Variants in ASTN1 observed in about 807,000 individuals in gnomAD.
ASTN1 encodes astrotactin-1.
A neutral mutation model predicts 140.7 loss-of-function variants in ASTN1; 41 were observed. The observed-to-expected ratio is 0.29, with a 90% CI of 0.23 to 0.38. The LOEUF (loss-of-function observed/expected upper bound fraction) is 0.38. ASTN1 is among the 10% of genes least tolerant of loss of function. The pLI is 1.00. For synonymous variants in ASTN1, 640 were observed against 652.2 expected, an observed-to-expected ratio of 0.98 and a Z score of 0.29; for missense variants, 1,479 against 1,678.8, an observed-to-expected ratio of 0.88 and a Z score of 2.08.
intron 1 of ASTN1, among the ~76,000 whole-genome samples, chr1:177,149,436 ATATATATAG>A (rs1386828560): frequency 7.6e-4 from 51 of 67,190 alleles, no homozygotes; most frequent in Middle Eastern, 0.017. Flanking sequence ...TATAGTAAAT[ATATATATAG>A]TATATATATA....
intron 2 of ASTN1, among the ~76,000 whole-genome samples, chr1:177,040,882 G>A (rs757757649): frequency 1.3e-5 from 2 of 152,038 alleles, no homozygotes. Flanking sequence ...AGTCAGCCTG[G>A]GCTATTTCAA....
intron 8 of ASTN1, among the ~76,000 whole-genome samples, chr1:176,985,218 C>T (rs374793653): frequency 7.9e-5 from 12 of 152,266 alleles, no homozygotes; most frequent in African/African-American, 2.9e-4. Context: ...AAAGTCTTTT[C>T]CTATGCCAAG....
chr1:176,897,040 G>C (rs1009354304), intron 16 of ASTN1, among the ~76,000 whole-genome samples: 2 of 152,136 alleles, frequency 1.3e-5, no homozygotes, highest in Non-Finnish European at 2.9e-5. Flanking sequence ...ACTTTGGGAG[G>C]CCAAGGCGGG....
chr1:176,997,152 G>C (rs893821071), intron 8 of ASTN1, among the ~76,000 whole-genome samples: 2 of 152,006 alleles, frequency 1.3e-5, no homozygotes, highest in African/African-American at 4.8e-5. Context: ...TTGCCACCTG[G>C]TATTACCAAG....
At chr1:177,082,404 T>C (rs978100606) in intron 1 of ASTN1, among the ~76,000 whole-genome samples, 5 of 152,196 alleles carry the variant, frequency 3.3e-5, no homozygotes, top group African/African-American at 1.2e-4. Context: ...GCTCTTTTAT[T>C]TGGCTCCAGT....
chr1:177,064,364 G>T (rs1409404262), intron 1 of ASTN1, among the ~76,000 whole-genome samples: 1 of 152,166 alleles, frequency 6.6e-6, no homozygotes, highest in Non-Finnish European at 1.5e-5. Context: ...TAATTTGGTG[G>T]TTTTTAATAT....
chr1:177,151,155 G>A (rs1384434249), intron 1 of ASTN1, among the ~76,000 whole-genome samples: 2 of 151,960 alleles, frequency 1.3e-5, no homozygotes, highest in African/African-American at 2.4e-5. Flanking sequence ...TCAAACAGGA[G>A]GTGTTTCCTG....
At chr1:176,944,187 C>A (rs768323546) in intron 13 of ASTN1, among the ~76,000 whole-genome samples, 169 bp from the exon 14 acceptor site, 1 of 152,068 alleles carries the variant, frequency 6.6e-6, no homozygotes, top group East Asian at 1.9e-4. Flanking sequence ...AAGCAATTCT[C>A]CTGCCTCAGC....
intron 1 of ASTN1, among the ~76,000 whole-genome samples, chr1:177,150,544 T>A (rs1682984400): frequency 6.6e-6 from 1 of 152,082 alleles, no homozygotes; most frequent in Admixed American, 6.5e-5. Context: ...AAAATAAAAG[T>A]GGCATTGAAA....
intron 1 of ASTN1, among the ~76,000 whole-genome samples, chr1:177,062,331 C>T (rs192151654): frequency 4.6e-5 from 7 of 151,830 alleles, no homozygotes; most frequent in Non-Finnish European, 1.0e-4. Context: ...GCCTCAACCT[C>T]CTGGGCTCAA....
chr1:177,024,676 T>C lies in ASTN1; in HGVS notation c.1177A>G (p.Ser393Gly). The C allele has an allele frequency of 6.2e-7, 1 of 1,613,968 alleles. No homozygotes were observed. Among genetic ancestry groups the C allele is most frequent in the Non-Finnish European group, 8.5e-7 (1 of 1,179,946 alleles). The change falls in exon 6 of 23, where the codon AGC (serine) becomes GGC (glycine). Residue 393 changes from serine to glycine, a missense_variant. By Grantham distance (56) the Ser-to-Gly change is moderately conservative. This residue lies in a region of ASTN1 where 729 missense variants were observed against 860.4 expected (regional missense o/e 0.85). Transcript: ENST00000361833. ...GAGCACACGAGGCCAATCACACAGC[T>C]GGTGATGCTGATCAGGGTCAAGGTG... ...KTTLTLISIT[S>G]CVIGLVCSSH... is the part of the protein sequence containing the mutation.
intron 21 of ASTN1, among the ~76,000 whole-genome samples, chr1:176,871,645 G>A (rs900345756): frequency 2.6e-5 from 4 of 152,152 alleles, no homozygotes; most frequent in East Asian, 1.9e-4. Flanking sequence ...TAAGTCAGAC[G>A]CTGTCTTCAG....
At chr1:176,939,794 A>C (rs2103100708) in intron 14 of ASTN1, among the ~76,000 whole-genome samples, 1 of 148,006 alleles carries the variant, frequency 6.8e-6, no homozygotes, top group South Asian at 2.2e-4. Context: ...AAGAAAAAGA[A>C]AGAATGAGGA....
chr1:177,078,725 A>G (rs1679038709), intron 1 of ASTN1, among the ~76,000 whole-genome samples: 2 of 152,308 alleles, frequency 1.3e-5, no homozygotes, highest in African/African-American at 4.8e-5. Flanking sequence ...AATATGGTGT[A>G]TCTGTAAGGT....
chr1:177,157,431 C>T (rs1402659059), intron 1 of ASTN1, among the ~76,000 whole-genome samples: 1 of 152,040 alleles, frequency 6.6e-6, no homozygotes, highest in Non-Finnish European at 1.5e-5. Flanking sequence ...CTTCCCACCT[C>T]AGCCTCCCAA....
At chr1:177,004,228 C>CA (rs34223365) in intron 8 of ASTN1, among the ~76,000 whole-genome samples, 4,105 of 146,074 alleles carry the variant, frequency 0.028, 80 homozygotes, top group Middle Eastern at 0.084. Context: ...ACAATAGCGA[C>CA]AAAAAAAAAA....
At chr1:176,933,684 G>A (rs1015002029) in intron 16 of ASTN1, among the ~76,000 whole-genome samples, 2 of 152,252 alleles carry the variant, frequency 1.3e-5, no homozygotes, top group Non-Finnish European at 2.9e-5. Flanking sequence ...CAAATCAGTC[G>A]GAAAAATGAG....
rs73047974 is a variant in ASTN1, at chr1:176,906,679, C to A, written c.2672-11849G>T. ...GACCAGCCTGGCCGACAAGGTAAAACCCCATCTCTACAAAAAATATGAAAA... is the reference window on the plus strand; with the variant it reads ...GACCAGCCTGGCCGACAAGGTAAAAACCCATCTCTACAAAAAATATGAAAA... On this transcript the variant is annotated intron_variant, in intron 16 of 22. Transcript: ENST00000361833. Among the ~76,000 whole-genome samples the A allele has an allele frequency of 3.7e-3, 567 of 151,904 alleles. 1 individual carries two copies. The highest frequency in any genetic ancestry group is 0.013 in the African/African-American group (526 of 41,414).
intron 1 of ASTN1, among the ~76,000 whole-genome samples, chr1:177,128,003 A>C (rs1462404794): frequency 7.0e-6 from 1 of 143,108 alleles, no homozygotes; most frequent in Non-Finnish European, 1.6e-5. Context: ...TAATAAAATA[A>C]AACAGTAATA....
Sources: gnomAD v4.1 joint callset for allele counts (sites outside exome capture counted in the v4.1 genomes callset) on GRCh38, gnomAD v4.1.1 for gene constraint, gnomAD v4.1.1 regional missense constraint, MANE v1.5 for transcripts, NCBI Gene and HGNC (gene_info 2026-07-23, HGNC 2026-07-21) for gene names.